The following TMEM18 variants were observed in gnomAD, a reference collection of about 807,000 sequenced individuals.
TMEM18 encodes transmembrane protein 18.
Under a neutral mutation model 17.4 loss-of-function variants are expected in TMEM18, and 14 were observed. That is an observed-to-expected ratio of 0.80 (90% CI 0.53 to 1.25). TMEM18 has a LOEUF of 1.25. Among genes scored for constraint, TMEM18 ranks in the 50% most tolerant of loss-of-function variants. TMEM18 has a pLI of 0.00. For synonymous variants in TMEM18, 86 were observed against 66.1 expected (o/e 1.30, Z -1.46); for missense variants, 187 against 172.1 (o/e 1.09, Z -0.48).
chr2:673,744 G>T (rs1371078969), intron 2 of TMEM18, among the ~76,000 whole-genome samples: 1 of 142,174 alleles, frequency 7.0e-6, no homozygotes, highest in East Asian at 2.3e-4. Context: ...GGAGGAGGAG[G>T]AGGAGGAGGG....
Position 666,511 on chromosome 2 carries a change from C to T in TMEM18, c.*3069G>A, listed in dbSNP as rs1678694815. Among the ~76,000 whole-genome samples, 1 of 152,206 alleles carries T rather than the reference C, an allele frequency of 6.6e-6. No individual in the cohort carries two copies. The highest frequency in any genetic ancestry group is 2.1e-4 in the South Asian group (1 of 4,832). ...AAAGCTTACCAGGCCGATGAGGATG[C>T]TTGCTGTCAACTGTTCCAGCCCCAC... On this transcript the variant is annotated 3_prime_UTR_variant, in exon 5 of 5. Transcript: ENST00000281017.
In TMEM18 at chr2:667,966, A is replaced by T. The variant is rs1363492832; in HGVS notation, c.*1614T>A. On this transcript the variant is annotated 3_prime_UTR_variant, in exon 5 of 5. Coordinates refer to ENST00000281017, the MANE Select transcript of TMEM18 (RefSeq NM_152834.4). ...CACTGCTATAAAGATACTACCTGAGACCTGGATTACTTTATAAACAAGAAG... is the reference window on the plus strand; with the variant it reads ...CACTGCTATAAAGATACTACCTGAGTCCTGGATTACTTTATAAACAAGAAG... 3 of 152,352 alleles carry T rather than the reference A, an allele frequency of 2.0e-5. No individual in the cohort carries two copies. The East Asian group carries it at 5.8e-4, about 29-fold the overall frequency. 9.4% of individuals were successfully genotyped at this position (152,352 alleles called of 1,614,324 possible). A position where few individuals can be genotyped will look rare whatever the true frequency, so the allele number is the denominator to read the frequency against.
chr2:675,220 G>C (rs965472569), intron 2 of TMEM18, among the ~76,000 whole-genome samples: 1 of 152,224 alleles, frequency 6.6e-6, no homozygotes, highest in South Asian at 2.1e-4. Context: ...CGCATCTTGT[G>C]TAAAAGACAG....
intron 3 of TMEM18, among the ~76,000 whole-genome samples, chr2:672,367 T>A (rs1678872013): frequency 6.6e-6 from 1 of 151,858 alleles, no homozygotes; most frequent in Non-Finnish European, 1.5e-5. Flanking sequence ...CCCCCCGACA[T>A]CAGGATGTGG....
At chr2:672,505 TTC>T in intron 3 of TMEM18, among the ~76,000 whole-genome samples, 1 of 152,222 alleles carries the variant, frequency 6.6e-6, no homozygotes, top group Non-Finnish European at 1.5e-5. Context: ...GCGGACCACG[TTC>T]TCTAAAATGC....
Position 667,315 on chromosome 2 carries a change from A to T in TMEM18, c.*2265T>A, listed in dbSNP as rs1223519008. On this transcript the variant is annotated 3_prime_UTR_variant, in exon 5 of 5. Transcript: ENST00000281017. ...AAAACAAATACCATTTTTTTGAAAA[A>T]AACAAAAAAAAATACTACATATTAT... 1 of 152,054 alleles carries T rather than the reference A, an allele frequency of 6.6e-6. No individual in the cohort carries two copies. The highest frequency in any genetic ancestry group is 1.5e-5 in the Non-Finnish European group (1 of 68,004). The allele number at this position is 152,054 out of a possible 1,614,324, so 9.4% of individuals were successfully genotyped here.
At position 675,631 on chromosome 2, in the gene TMEM18, C is replaced by T; in HGVS notation, c.58-1G>A. 6.2e-7 allele frequency: 1 copy of T among 1,613,810 alleles called. No individual in the cohort carries two copies. Among genetic ancestry groups the T allele is most frequent in the Non-Finnish European group, 8.5e-7 (1 of 1,180,010 alleles). On this transcript the variant is annotated splice_acceptor_variant, in intron 1 of 4. Transcript: ENST00000281017. LOFTEE classifies it high-confidence loss of function. ...GCCAGGGCTCAGTCCAGTCCGTCTG[C>T]TGTAGGAACACACCAGCAGACACTC...
intron 2 of TMEM18, among the ~76,000 whole-genome samples, chr2:673,326 G>A (rs890988469): frequency 6.6e-6 from 1 of 152,296 alleles, no homozygotes; most frequent in East Asian, 1.9e-4. Context: ...ATGACCATAG[G>A]AGGGGAGCGA....
rs1448481673 is a variant in TMEM18 at position 666,755 on chromosome 2, C to T, written c.*2825G>A. On this transcript the variant is annotated 3_prime_UTR_variant, in exon 5 of 5. Coordinates refer to ENST00000281017, the MANE Select transcript of TMEM18 (RefSeq NM_152834.4). ...AGCCCAGCCCCGTCCTCCCCAGGAC[C>T]GACTTGCTGGTGTAGTCGACCAGCA... 1.3e-5 allele frequency among the ~76,000 whole-genome samples: 2 copies of T among 152,012 alleles called. No individual in the cohort carries two copies. Among genetic ancestry groups the T allele is most frequent in the Non-Finnish European group, 2.9e-5 (2 of 68,004 alleles).
chr2:676,639 T>C (rs1168821420), intron 1 of TMEM18: 2 of 1,550,000 alleles, frequency 1.3e-6, no homozygotes, highest in South Asian at 1.2e-5. Flanking sequence ...CGAGTGCCCA[T>C]GTCACCCCTT....
rs1678640762 is a variant in TMEM18, at chr2:664,983, G to C, written c.*4597C>G. Among the ~76,000 whole-genome samples the C allele has an allele frequency of 6.6e-6, 1 of 152,190 alleles. No homozygotes were observed. The highest frequency in any genetic ancestry group is 2.1e-4 in the South Asian group (1 of 4,828). On this transcript the variant is annotated 3_prime_UTR_variant, in exon 5 of 5. Coordinates refer to ENST00000281017, the MANE Select transcript of TMEM18 (RefSeq NM_152834.4). The stretch of plus-strand genomic sequence containing the variant: ...GGACTACATTACTTTATAGAAGATA[G>C]ACTTACAGAAAAAAGGGGCAGCAAA...
intron 1 of TMEM18, among the ~76,000 whole-genome samples, chr2:676,986 G>C (rs1030019914): frequency 6.6e-6 from 1 of 151,086 alleles, no homozygotes; most frequent in African/African-American, 2.4e-5. Context: ...TCCTCCACAA[G>C]GCCCCGCCCG....
chr2:671,243 G>C (rs1032973387), intron 3 of TMEM18, among the ~76,000 whole-genome samples: 20 of 152,204 alleles, frequency 1.3e-4, no homozygotes, highest in Admixed American at 1.2e-3. Flanking sequence ...CCAGAGGGAA[G>C]GGAGGGGCCA....
At chr2:673,868 G>A (rs995593810) in intron 2 of TMEM18, among the ~76,000 whole-genome samples, 3 of 151,682 alleles carry the variant, frequency 2.0e-5, no homozygotes, top group Non-Finnish European at 2.9e-5. Flanking sequence ...CATGGGTGCG[G>A]GGAGGAAGGT....
At position 669,754 on chromosome 2, in the gene TMEM18, TACC is replaced by T. The variant is rs1558179799; in HGVS notation, c.327_327+2del. 1 of 1,614,032 alleles carries T rather than the reference TACC, an allele frequency of 6.2e-7. No individual in the cohort carries two copies. The highest frequency in any genetic ancestry group is 8.5e-7 in the Non-Finnish European group (1 of 1,179,904). The stretch of plus-strand genomic sequence containing the variant: ...AAGACAACTGAAAGTGTCATCTACG[TACC>T]ACAATGATCATGGCATTCACCAGCA... On this transcript the variant is annotated splice_donor_variant and coding_sequence_variant, in exon 4 of 5. Transcript: ENST00000281017. LOFTEE classifies it high-confidence loss of function.
Position 677,354 on chromosome 2 carries a change from G to T in TMEM18, c.-9C>A. On this transcript the variant is annotated 5_prime_UTR_variant, in exon 1 of 5. Coordinates refer to ENST00000281017, the MANE Select transcript of TMEM18 (RefSeq NM_152834.4). The stretch of plus-strand genomic sequence containing the variant: ...GAGAAGGCGGACGGCATGGTGTTGG[G>T]AAGCCCGCTCTCACAGCAACCGCCG... 1.2e-6 allele frequency: 2 copies of T among 1,611,304 alleles called. No individual in the cohort carries two copies. The highest frequency in any genetic ancestry group is 1.7e-6 in the Non-Finnish European group (2 of 1,179,502).
intron 1 of TMEM18, chr2:676,698 G>A (rs1264025954): frequency 2.0e-6 from 3 of 1,500,582 alleles, no homozygotes; most frequent in East Asian, 5.0e-5. Context: ...AGACGAACCC[G>A]GCACGGCGCA....
At chr2:675,974 A>G in intron 1 of TMEM18, 2 of 1,318,028 alleles carry the variant, frequency 1.5e-6, no homozygotes, top group Non-Finnish European at 2.0e-6. Flanking sequence ...AGGAATTACC[A>G]TCCTTTACGA....
intron 1 of TMEM18, 21 bp downstream of exon 1, chr2:677,268 G>A: frequency 6.2e-7 from 1 of 1,607,212 alleles, no homozygotes; most frequent in Non-Finnish European, 8.5e-7. Flanking sequence ...CGAACTGGTG[G>A]TTACGCGGGC....
Sources: allele counts gnomAD v4.1 joint callset (sites outside exome capture counted in the v4.1 genomes callset), GRCh38; gene constraint gnomAD v4.1.1; transcripts MANE v1.5; gene names NCBI Gene and HGNC (gene_info 2026-07-23, HGNC 2026-07-21).